The following SASH1 variants were observed in gnomAD, a reference collection of about 807,000 sequenced individuals.
SASH1 encodes SAM and SH3 domain containing 1, also known as SAM and SH3 domain-containing protein 1.
SASH1 carries 44 observed loss-of-function variants against 125.2 expected under a neutral mutation model. That is an observed-to-expected ratio of 0.35 (90% CI 0.28 to 0.45). The LOEUF is 0.45. Among genes scored for constraint, SASH1 ranks in the 20% least tolerant of loss-of-function variants. The pLI is 1.00. For synonymous variants in SASH1, 639 were observed against 649.1 expected, an observed-to-expected ratio of 0.98 and a Z score of 0.24; for missense variants, 1,426 against 1,614.5, an observed-to-expected ratio of 0.88 and a Z score of 2.00.
the SASH1 span, among the ~76,000 whole-genome samples, chr6:148,214,912 A>G: frequency 2.6e-5 from 4 of 152,158 alleles, no homozygotes; most frequent in Non-Finnish European, 5.9e-5. Context: ...TGTTCCTTGC[A>G]CCTGCTTGCA....
At chr6:148,240,249 C>T in the SASH1 span, among the ~76,000 whole-genome samples, 3 of 151,956 alleles carry the variant, frequency 2.0e-5, no homozygotes, top group African/African-American at 7.2e-5. Context: ...ACATTGTCCC[C>T]ACACAGTGTT....
intron 4 of SASH1, among the ~76,000 whole-genome samples, chr6:148,459,022 ACC>A (rs1491119991): frequency 1.0e-3 from 135 of 132,560 alleles, no homozygotes; most frequent in African/African-American, 3.7e-3. Flanking sequence ...ACACACACAC[ACC>A]CTCTAGCATA....
At chr6:148,297,276 GGTTT>G (rs1450282609) in intron 1 of SASH1, among the ~76,000 whole-genome samples, 2 of 152,116 alleles carry the variant, frequency 1.3e-5, no homozygotes, top group African/African-American at 2.4e-5. Flanking sequence ...TTTCCTCTTT[GGTTT>G]GTTTATTTTC....
At chr6:148,272,302 C>A (rs1349743197), upstream of SASH1, 1 of 468,342 alleles carries the variant, frequency 2.1e-6, no homozygotes, top group African/African-American at 2.0e-5. Flanking sequence ...TTCATGCGAT[C>A]TGAGTCAGAG....
At chr6:148,455,311 C>A (rs754178) in intron 4 of SASH1, among the ~76,000 whole-genome samples, 1 of 152,124 alleles carries the variant, frequency 6.6e-6, no homozygotes, top group Non-Finnish European at 1.5e-5. Context: ...CCACCCAGAT[C>A]AGTGTCTTGT....
At chr6:148,498,287 T>TG (rs1184973430) in intron 8 of SASH1, among the ~76,000 whole-genome samples, 1 of 151,632 alleles carries the variant, frequency 6.6e-6, no homozygotes, top group East Asian at 1.9e-4. Context: ...AGTGTGCATC[T>TG]GTAGTCCCAG....
chr6:148,453,619 C>T (rs1198553165), intron 4 of SASH1, among the ~76,000 whole-genome samples: 1 of 152,206 alleles, frequency 6.6e-6, no homozygotes, highest in Non-Finnish European at 1.5e-5. Flanking sequence ...GACTGGGGTG[C>T]TCGGAGAGAC....
chr6:148,278,110 G>T (rs1779237480), intron 1 of SASH1, among the ~76,000 whole-genome samples: 2 of 151,816 alleles, frequency 1.3e-5, no homozygotes, highest in South Asian at 4.2e-4. Context: ...CATGATCTCG[G>T]CTCACTGCAA....
Position 148,342,918 on chromosome 6 carries a change from G to A in SASH1, c.-150G>A. On this transcript the variant is annotated 5_prime_UTR_variant, in exon 1 of 20. Transcript: ENST00000367467. ...GCGGGCGCCTGCGAAGGGCCCCCGC[G>A]GGGTGGCCGGGGCCGCCGGGGCATG... 3.5e-5 allele frequency: 23 copies of A among 661,930 alleles called. No homozygotes were observed. The highest frequency in any genetic ancestry group is 4.3e-5 in the Non-Finnish European group (23 of 534,474). 41.0% of individuals were successfully genotyped at this position (661,930 alleles called of 1,614,324 possible).
the SASH1 span, among the ~76,000 whole-genome samples, chr6:148,240,880 T>C: frequency 2.5e-3 from 381 of 152,324 alleles, 2 homozygotes; most frequent in African/African-American, 9.0e-3. Context: ...AAGAAAAATA[T>C]CTTCTTGCTG....
chr6:148,360,243 A>G (rs1480561098), intron 1 of SASH1, among the ~76,000 whole-genome samples: 3 of 151,002 alleles, frequency 2.0e-5, no homozygotes, highest in African/African-American at 4.9e-5. Flanking sequence ...CAGTCATCGT[A>G]ATTGATTTTT....
At chr6:148,391,042 A>AGCGGGTATCCTTCTAGTGTTTTT (rs1324337992) in intron 2 of SASH1, among the ~76,000 whole-genome samples, 2 of 151,662 alleles carry the variant, frequency 1.3e-5, no homozygotes, top group Non-Finnish European at 1.5e-5. Flanking sequence ...TTGGTGTTTT[A>AGCGGGTATCCTTCTAGTGTTTTT]GCGGGTATCC....
At chr6:148,373,011 G>A (rs939991235) in intron 1 of SASH1, among the ~76,000 whole-genome samples, 1 of 152,168 alleles carries the variant, frequency 6.6e-6, no homozygotes, top group Middle Eastern at 3.4e-3. Flanking sequence ...CCTCAACATG[G>A]AGAAACCCTG....
At chr6:148,289,861 G>GTTTTTTTTTTTTTTTTTTTTTTTTTT (rs144013796) in intron 1 of SASH1, among the ~76,000 whole-genome samples, 1 of 85,894 alleles carries the variant, frequency 1.2e-5, no homozygotes, top group Non-Finnish European at 2.2e-5. Flanking sequence ...TTTTGGTTGT[G>GTTTTTTTTTTTTTTTTTTTTTTTTTT]TTTTTTTTTT....
chr6:148,548,220 C>T, intron 19 of SASH1, 75 bp from the exon 20 acceptor site: 1 of 1,353,400 alleles, frequency 7.4e-7, no homozygotes, highest in South Asian at 1.4e-5. Context: ...CAGTGCTGTT[C>T]CTTTTAGACA....
intron 9 of SASH1, among the ~76,000 whole-genome samples, chr6:148,516,515 C>G (rs998596181): frequency 8.8e-6 from 1 of 113,542 alleles, no homozygotes; most frequent in East Asian, 3.2e-4. Flanking sequence ...CCCCCTCCCC[C>G]GCCCTTGGAC....
chr6:148,277,250 A>T (rs1476819111), intron 1 of SASH1, among the ~76,000 whole-genome samples: 1 of 152,228 alleles, frequency 6.6e-6, no homozygotes, highest in Non-Finnish European at 1.5e-5. Flanking sequence ...CAATGTGGCC[A>T]CTACAGTCAA....
intron 8 of SASH1, among the ~76,000 whole-genome samples, chr6:148,497,693 C>T (rs1330734077): frequency 6.6e-6 from 1 of 152,210 alleles, no homozygotes; most frequent in East Asian, 1.9e-4. Context: ...AGCAGATAGG[C>T]TAGAATTGTC....
chr6:148,322,912 T>TTCTTTCTTTC (rs1780681436), intron 1 of SASH1, among the ~76,000 whole-genome samples: 1 of 118,438 alleles, frequency 8.4e-6, no homozygotes, highest in Non-Finnish European at 1.8e-5. Flanking sequence ...CTCTCTTTCT[T>TTCTTTCTTTC]TCTTTTTTCT....
Sources: gnomAD v4.1 joint callset for allele counts (sites outside exome capture counted in the v4.1 genomes callset) on GRCh38, gnomAD v4.1.1 for gene constraint, MANE v1.5 for transcripts, NCBI Gene and HGNC (gene_info 2026-07-23, HGNC 2026-07-21) for gene names.